CELF2: variants seen among roughly 807,000 people sequenced by gnomAD.
CELF2 encodes CUGBP Elav-like family member 2, also known as CUG triplet repeat RNA-binding protein 2.
Under a neutral mutation model 62.6 loss-of-function variants are expected in CELF2, and 8 were observed. That is an observed-to-expected ratio of 0.13 (90% CI 0.07 to 0.23). The LOEUF is 0.23. Ranked by LOEUF, CELF2 falls within the 10% of genes least tolerant of loss-of-function variation. The probability of loss-of-function intolerance (pLI) is 1.00; values close to 1 mark genes in which losing one functional copy is unlikely to be tolerated. For missense variants in CELF2, 333 were observed against 671.0 expected, an observed-to-expected ratio of 0.50 and a Z score of 5.56; for synonymous variants, 258 against 250.0, an observed-to-expected ratio of 1.03 and a Z score of -0.30.
At chr10:10,615,299 C>T in the CELF2 span, among the ~76,000 whole-genome samples, 1 of 152,076 alleles carries the variant, frequency 6.6e-6, no homozygotes, top group African/African-American at 2.4e-5. Flanking sequence ...ACTTGCAGCC[C>T]ATTGTGATCA....
intron 1 of CELF2, among the ~76,000 whole-genome samples, chr10:10,819,565 A>G (rs2056785504): frequency 6.6e-6 from 1 of 152,040 alleles, no homozygotes; most frequent in African/African-American, 2.4e-5. Flanking sequence ...GTTTGCTCTC[A>G]TGGCTTCCAC....
At chr10:11,144,115 C>T (rs751929453) in intron 1 of CELF2, among the ~76,000 whole-genome samples, 2 of 151,902 alleles carry the variant, frequency 1.3e-5, no homozygotes, top group Non-Finnish European at 1.5e-5. Context: ...GTGAAAATGC[C>T]GCATTTCATA....
At chr10:10,617,744 A>G in the CELF2 span, among the ~76,000 whole-genome samples, 1 of 152,258 alleles carries the variant, frequency 6.6e-6, no homozygotes, top group Non-Finnish European at 1.5e-5. Flanking sequence ...GAGAGAAGAA[A>G]GTACAGGAAA....
At chr10:10,482,427 T>C in the CELF2 span, among the ~76,000 whole-genome samples, 42 of 152,372 alleles carry the variant, frequency 2.8e-4, no homozygotes, top group East Asian at 7.9e-3. Context: ...AGGAGTTGGC[T>C]GTAAATGGTC....
chr10:10,708,619 AG>A, the CELF2 span, among the ~76,000 whole-genome samples: 3 of 152,194 alleles, frequency 2.0e-5, no homozygotes, highest in Non-Finnish European at 4.4e-5. Flanking sequence ...TCATAGGAAA[AG>A]GGTTATAGAT....
At chr10:10,694,938 C>CA in the CELF2 span, among the ~76,000 whole-genome samples, 1 of 151,092 alleles carries the variant, frequency 6.6e-6, no homozygotes, top group Admixed American at 6.6e-5. Context: ...CTGAATACAG[C>CA]ACACTGATGG....
At chr10:10,913,209 T>C (rs934730038) in intron 1 of CELF2, among the ~76,000 whole-genome samples, 3 of 152,046 alleles carry the variant, frequency 2.0e-5, no homozygotes, top group Non-Finnish European at 4.4e-5. Flanking sequence ...TAGTGATGAA[T>C]GACCAGAGGG....
chr10:10,749,965 C>T, the CELF2 span, among the ~76,000 whole-genome samples: 21 of 152,286 alleles, frequency 1.4e-4, no homozygotes, highest in East Asian at 2.3e-3. Flanking sequence ...ACCCTCAATT[C>T]AAATGTATAG....
the CELF2 span, among the ~76,000 whole-genome samples, chr10:10,554,905 A>G: frequency 6.6e-6 from 1 of 152,180 alleles, no homozygotes; most frequent in Non-Finnish European, 1.5e-5. Flanking sequence ...TAGAGATGTT[A>G]CAAATAGCAT....
At chr10:10,654,260 T>C in the CELF2 span, among the ~76,000 whole-genome samples, 1 of 114,908 alleles carries the variant, frequency 8.7e-6, no homozygotes, top group African/African-American at 3.2e-5. Context: ...CGGGACCAGA[T>C]GGATTCACAG....
intron 1 of CELF2, among the ~76,000 whole-genome samples, chr10:10,906,523 ACTAGTC>A (rs1357709694): frequency 6.6e-6 from 1 of 152,132 alleles, no homozygotes; most frequent in African/African-American, 2.4e-5. Context: ...GTAGCATTTC[ACTAGTC>A]CTAATTAAGC....
intron 1 of CELF2, among the ~76,000 whole-genome samples, chr10:11,128,121 C>G (rs1243011557): frequency 6.6e-6 from 1 of 152,184 alleles, no homozygotes. Context: ...TTCCCAGCAC[C>G]ATTTATTAAA....
the CELF2 span, among the ~76,000 whole-genome samples, chr10:10,545,932 G>T: frequency 2.0e-5 from 3 of 152,104 alleles, no homozygotes; most frequent in Admixed American, 2.0e-4. Flanking sequence ...ACCAAGACAC[G>T]TGGGGATAGC....
intron 2 of CELF2, among the ~76,000 whole-genome samples, chr10:10,953,948 G>A (rs1433653890): frequency 1.3e-5 from 2 of 151,830 alleles, no homozygotes; most frequent in Non-Finnish European, 2.9e-5. Flanking sequence ...AGAGAAAGAG[G>A]CAAAGGGTAT....
At chr10:10,959,726 G>A (rs541224929) in intron 2 of CELF2, among the ~76,000 whole-genome samples, 13 of 152,278 alleles carry the variant, frequency 8.5e-5, no homozygotes, top group Admixed American at 7.8e-4. Flanking sequence ...TGCTGTCACC[G>A]TGTAAGTATT....
Position 11,255,081 on chromosome 10 carries a change from G to C in CELF2, c.404-2657G>C, listed in dbSNP as rs1177326326. ...GTACACTCGTTGCCCAGGGTATCTG[G>C]TGTCTCTCTGGCTTAGCTGTCGCGC... On this transcript the variant is annotated intron_variant, in intron 4 of 12. Transcript: ENST00000633077. This position sits in a 1 kb window ranked among gnomAD's most constrained non-coding sequence, Gnocchi z 5.5. Among the ~76,000 whole-genome samples, 3 of 152,334 alleles carry C rather than the reference G, an allele frequency of 2.0e-5. No homozygotes were observed. Among genetic ancestry groups the C allele is most frequent in the African/African-American group, 4.8e-5 (2 of 41,574 alleles).
At chr10:10,761,523 T>G in the CELF2 span, among the ~76,000 whole-genome samples, 3 of 152,154 alleles carry the variant, frequency 2.0e-5, no homozygotes, top group African/African-American at 7.2e-5. Flanking sequence ...GAGGGTGTTT[T>G]GGGATGAGAT....
chr10:10,751,577 G>A, the CELF2 span, among the ~76,000 whole-genome samples: 3 of 152,100 alleles, frequency 2.0e-5, no homozygotes, highest in Admixed American at 6.5e-5. Context: ...ACTTCATGCT[G>A]ATGAGGCAGG....
intron 10 of CELF2, among the ~76,000 whole-genome samples, chr10:11,320,480 C>T (rs151103344): frequency 2.6e-5 from 4 of 152,200 alleles, no homozygotes; most frequent in African/African-American, 4.8e-5. Context: ...ACTTTGATAC[C>T]GAACGAGTAG....
Sources: allele counts gnomAD v4.1 joint callset (sites outside exome capture counted in the v4.1 genomes callset), GRCh38; gene constraint gnomAD v4.1.1; non-coding constraint Gnocchi (gnomAD v3.1); transcripts MANE v1.5; gene names NCBI Gene and HGNC (gene_info 2026-07-23, HGNC 2026-07-21).